SCN8A: variants seen among roughly 807,000 people sequenced by gnomAD.
SCN8A encodes the protein sodium voltage-gated channel alpha subunit 8, also known as sodium channel protein type 8 subunit alpha.
A neutral mutation model predicts 184.1 loss-of-function variants in SCN8A; 30 were observed. The ratio of observed to expected loss-of-function variants is 0.16; its 90% confidence interval spans 0.12 to 0.22. The LOEUF is 0.22. SCN8A is among the 10% of genes least tolerant of loss of function. The pLI is 1.00. For synonymous variants in SCN8A, 852 were observed against 907.0 expected, an observed-to-expected ratio of 0.94 and a Z score of 1.09; for missense variants, 1,057 against 2,498.9, an observed-to-expected ratio of 0.42 and a Z score of 12.30.
At chr12:51,595,098 T>G (rs1225700251) in intron 1 of SCN8A, among the ~76,000 whole-genome samples, 1 of 152,204 alleles carries the variant, frequency 6.6e-6, no homozygotes, top group Non-Finnish European at 1.5e-5. Flanking sequence ...ACAAATAGTC[T>G]CACTCTGCAC....
Position 51,685,965 on chromosome 12 carries a change from G to C in SCN8A, c.396-403G>C, listed in dbSNP as rs529826141. 2.6e-5 allele frequency among the ~76,000 whole-genome samples: 4 copies of C among 152,272 alleles called. No homozygotes were observed. The South Asian group carries it at 8.3e-4, about 32-fold the overall frequency. ...TAAGATAATTAACTTACCAATAAATGAATACCTAGTCATATAGATTTAATT... is the reference window on the plus strand; with the variant it reads ...TAAGATAATTAACTTACCAATAAATCAATACCTAGTCATATAGATTTAATT... On this transcript the variant is annotated intron_variant, in intron 3 of 26. Coordinates refer to ENST00000627620, the MANE Select transcript of SCN8A (RefSeq NM_001330260.2).
chr12:51,686,586 G>C (rs1479997051), intron 4 of SCN8A, 129 bp downstream of exon 4: 2 of 652,202 alleles, frequency 3.1e-6, no homozygotes, highest in African/African-American at 3.7e-5. Flanking sequence ...TCACAGAGAA[G>C]GCTGAAAGTA....
chr12:51,687,443 C>G (rs553577712), intron 5 of SCN8A, among the ~76,000 whole-genome samples: 3 of 152,112 alleles, frequency 2.0e-5, no homozygotes, highest in African/African-American at 7.2e-5. Context: ...CAAGCAGAGG[C>G]TTTACAGCTG....
intron 25 of SCN8A, among the ~76,000 whole-genome samples, chr12:51,794,068 C>T (rs1473933850): frequency 6.6e-6 from 1 of 150,628 alleles, no homozygotes; most frequent in Non-Finnish European, 1.5e-5. Context: ...ATTGTTTGAA[C>T]CTAGGAGGCA....
At chr12:51,755,872 A>G (rs1001897012) in intron 14 of SCN8A, among the ~76,000 whole-genome samples, 8 of 152,262 alleles carry the variant, frequency 5.3e-5, no homozygotes, top group African/African-American at 1.9e-4. Context: ...TATCTTTGGT[A>G]TACTTATTTG....
intron 6 of SCN8A, chr12:51,689,538 T>C (rs1196444746): frequency 6.4e-6 from 1 of 156,630 alleles, no homozygotes; most frequent in Non-Finnish European, 1.4e-5. Context: ...ATTACTATAT[T>C]AATGAAATTT....
chr12:51,804,271 C>A (rs1418345672), intron 26 of SCN8A, among the ~76,000 whole-genome samples: 1 of 152,180 alleles, frequency 6.6e-6, no homozygotes. Flanking sequence ...GCCTTTATAT[C>A]CTAATGCCTT....
chr12:51,694,147 G>C (rs1941556244), intron 6 of SCN8A, among the ~76,000 whole-genome samples: 1 of 152,168 alleles, frequency 6.6e-6, no homozygotes, highest in South Asian at 2.1e-4. Context: ...TGGCCAGGCT[G>C]GTCTTGAACT....
chr12:51,593,154 AAG>A (rs1412483256), intron 1 of SCN8A, among the ~76,000 whole-genome samples: 10 of 152,208 alleles, frequency 6.6e-5, no homozygotes, highest in African/African-American at 2.2e-4. Context: ...TTCTCCCTGA[AAG>A]AGGATTTGGT....
At chr12:51,664,352 C>G (rs925643576) in intron 2 of SCN8A, among the ~76,000 whole-genome samples, 1 of 151,824 alleles carries the variant, frequency 6.6e-6, no homozygotes, top group Non-Finnish European at 1.5e-5. Context: ...GGACTACAGG[C>G]GCCCACCACC....
chr12:51,640,196 C>T (rs953548509), intron 1 of SCN8A, among the ~76,000 whole-genome samples: 1 of 115,860 alleles, frequency 8.6e-6, no homozygotes, highest in African/African-American at 3.3e-5. Context: ...CGGATATGAG[C>T]ACATGTGCCT....
chr12:51,766,330 TAA>T (rs1277738997), intron 16 of SCN8A: 1 of 427,290 alleles, frequency 2.3e-6, no homozygotes, highest in Non-Finnish European at 4.3e-6. Context: ...ACCTAGACTT[TAA>T]AGTCTGTGCC....
chr12:51,604,528 G>A (rs1939541936), intron 1 of SCN8A, among the ~76,000 whole-genome samples: 1 of 151,192 alleles, frequency 6.6e-6, no homozygotes, highest in South Asian at 2.1e-4. Flanking sequence ...TTTTTGTTTC[G>A]TTTTGTTTGG....
At chr12:51,774,409 G>A in intron 20 of SCN8A, 47 bp downstream of exon 20, 1 of 1,535,442 alleles carries the variant, frequency 6.5e-7, no homozygotes, top group Non-Finnish European at 8.8e-7. Flanking sequence ...CAGGAACACA[G>A]AAACAGGGGT....
chr12:51,706,495 G>A lies in SCN8A; in HGVS notation c.1415G>A (p.Gly472Asp), dbSNP rs758546871. The change falls in exon 11 of 27, where the codon GGC becomes GAC. Residue 472 changes from glycine (G) to aspartate (D), a missense_variant. This residue lies in a region of SCN8A where 322 missense variants were observed against 390.1 expected (regional missense o/e 0.83). Transcript: ENST00000627620. ...GAGGAAGAAGGTGAAGAAGGAGGGG[G>A]CTCCCCTCGGAGCTCTTCTGAAATC... ...AIEEEGEEGGGSPRSSSEISK... is the reference protein window; with the variant it reads ...AIEEEGEEGGDSPRSSSEISK... 2 of 1,605,398 alleles carry A rather than the reference G, an allele frequency of 1.2e-6. No homozygotes were observed. Among genetic ancestry groups the A allele is most frequent in the South Asian group, 2.2e-5 (2 of 89,146 alleles).
chr12:51,745,209 A>G (rs1000495069), intron 12 of SCN8A, among the ~76,000 whole-genome samples: 2 of 152,174 alleles, frequency 1.3e-5, no homozygotes, highest in Non-Finnish European at 2.9e-5. Context: ...GCCATTTTTT[A>G]TTGGGAATTT....
intron 20 of SCN8A, chr12:51,780,333 C>T (rs1402886095): frequency 2.6e-6 from 1 of 384,724 alleles, no homozygotes; most frequent in Non-Finnish European, 5.1e-6. Flanking sequence ...CACTCTCTCC[C>T]TCTCCTGTCA....
rs562707804 is a variant in SCN8A, at chr12:51,624,944, C to A, written c.-55+33585C>A. Reference sequence around the variant, plus strand: ...GCCAGCTTTTTTTTTTCCTCTACCCCCTTCAGTGAGTTTATGTCATACATT... The same window carrying A: ...GCCAGCTTTTTTTTTTCCTCTACCCACTTCAGTGAGTTTATGTCATACATT... On this transcript the variant is annotated intron_variant, in intron 1 of 26. Transcript: ENST00000627620. Among the ~76,000 whole-genome samples, 4 of 152,030 alleles carry A rather than the reference C, an allele frequency of 2.6e-5. No individual in the cohort carries two copies. In the South Asian group the frequency reaches 8.3e-4, roughly 32 times the overall value.
Position 51,698,981 on chromosome 12 carries a change from C to T in SCN8A, c.707-589C>T, listed in dbSNP as rs542157411. ...TTGACAAATATTTACTAAATACCTA[C>T]TGTGGGCTAGGCACTATAGATACAG... On this transcript the variant is annotated intron_variant, in intron 6 of 26. Coordinates refer to ENST00000627620, the MANE Select transcript of SCN8A (RefSeq NM_001330260.2). 1.2e-4 allele frequency among the ~76,000 whole-genome samples: 19 copies of T among 152,346 alleles called. No individual in the cohort carries two copies. The South Asian group carries it at 3.9e-3, about 32-fold the overall frequency.
Sources: gnomAD v4.1 joint callset for allele counts (sites outside exome capture counted in the v4.1 genomes callset) on GRCh38, gnomAD v4.1.1 for gene constraint, gnomAD v4.1.1 regional missense constraint, MANE v1.5 for transcripts, NCBI Gene and HGNC (gene_info 2026-07-23, HGNC 2026-07-21) for gene names.